LUZP2: variants seen among roughly 807,000 people sequenced by gnomAD.
LUZP2 encodes leucine zipper protein 2.
A neutral mutation model predicts 51.6 loss-of-function variants in LUZP2; 52 were observed. The observed-to-expected ratio is 1.01, with a 90% CI of 0.81 to 1.27. The LOEUF (loss-of-function observed/expected upper bound fraction) is 1.27, where lower values mean the gene tolerates loss of function less well. Among genes scored for constraint, LUZP2 ranks in the 50% most tolerant of loss-of-function variants. The pLI is 0.00. For synonymous variants in LUZP2, 154 were observed against 137.3 expected, an observed-to-expected ratio of 1.12 and a Z score of -0.85; for missense variants, 436 against 395.4, an observed-to-expected ratio of 1.10 and a Z score of -0.87.
At chr11:24,610,494 C>A (rs1323682967) in intron 1 of LUZP2, among the ~76,000 whole-genome samples, 3 of 152,108 alleles carry the variant, frequency 2.0e-5, no homozygotes, top group Admixed American at 1.3e-4. Flanking sequence ...ATTGAATGAA[C>A]AAGTGAGTGA....
intron 1 of LUZP2, among the ~76,000 whole-genome samples, chr11:24,682,111 C>A (rs1015015528): frequency 6.6e-6 from 1 of 152,120 alleles, no homozygotes; most frequent in Admixed American, 6.6e-5. Context: ...GAGTTAATGA[C>A]GATTGAAAAT....
intron 7 of LUZP2, among the ~76,000 whole-genome samples, chr11:24,949,698 A>C (rs1855019947): frequency 6.6e-6 from 1 of 151,762 alleles, no homozygotes; most frequent in South Asian, 2.1e-4. Flanking sequence ...CGAAACACTG[A>C]AGCCAGGCTA....
At chr11:25,062,587 C>CAAAAAAAAA (rs1163708322) in intron 10 of LUZP2, among the ~76,000 whole-genome samples, 1 of 43,108 alleles carries the variant, frequency 2.3e-5, no homozygotes, top group African/African-American at 5.8e-5. Context: ...AAGACCCTGT[C>CAAAAAAAAA]AAAAAAAAAA....
Position 24,713,683 on chromosome 11 carries a change from G to GTTTTTTTTTTT in LUZP2, c.63-15475_63-15465dup, listed in dbSNP as rs374748977. Among the ~76,000 whole-genome samples the GTTTTTTTTTTT allele has an allele frequency of 7.8e-5, 7 of 89,688 alleles. 1 individual carries two copies. Among genetic ancestry groups the GTTTTTTTTTTT allele is most frequent in the African/African-American group, 3.2e-4 (7 of 21,860 alleles). The allele number at this position is 89,688 out of a possible 152,430, so 58.8% of individuals were successfully genotyped here. ...ATCCTGGATAACAGAGTGAGAATCT[G>GTTTTTTTTTTT]TTTTTTTTTTTTTTTTTTTTTCTGA... On this transcript the variant is annotated intron_variant, in intron 1 of 11. Coordinates refer to ENST00000336930, the MANE Select transcript of LUZP2 (RefSeq NM_001009909.4).
At chr11:24,926,481 G>A (rs1471472545) in intron 7 of LUZP2, among the ~76,000 whole-genome samples, 1 of 107,812 alleles carries the variant, frequency 9.3e-6, no homozygotes, top group Admixed American at 9.7e-5. Context: ...ATATATGTGT[G>A]TGTATATATA....
intron 5 of LUZP2, among the ~76,000 whole-genome samples, chr11:24,840,223 TTATGTC>T (rs1342110779): frequency 6.6e-6 from 1 of 151,808 alleles, no homozygotes; most frequent in Admixed American, 6.6e-5. Flanking sequence ...CCCTTTCTTC[TTATGTC>T]TATACCTTCC....
At chr11:24,613,506 G>C (rs1854188712) in intron 1 of LUZP2, among the ~76,000 whole-genome samples, 1 of 151,714 alleles carries the variant, frequency 6.6e-6, no homozygotes, top group Non-Finnish European at 1.5e-5. Context: ...TTTAATTTCA[G>C]CTTGGAATGT....
chr11:24,512,902 G>C (rs890794703), intron 1 of LUZP2, among the ~76,000 whole-genome samples: 6 of 151,874 alleles, frequency 4.0e-5, no homozygotes, highest in African/African-American at 1.5e-4. Context: ...GGCACATGCT[G>C]CCACGCCCAG....
chr11:24,768,555 T>G (rs1860281145), intron 5 of LUZP2, among the ~76,000 whole-genome samples: 1 of 152,142 alleles, frequency 6.6e-6, no homozygotes, highest in Non-Finnish European at 1.5e-5. Context: ...CTCAAGCAAT[T>G]AAGTAGCAAA....
chr11:24,735,488 T>C (rs1265521526), intron 3 of LUZP2, among the ~76,000 whole-genome samples: 1 of 151,888 alleles, frequency 6.6e-6, no homozygotes, highest in East Asian at 1.9e-4. Flanking sequence ...CAGAAGGCAG[T>C]TTTGGACTCG....
At chr11:24,695,859 G>A (rs1014653959) in intron 1 of LUZP2, among the ~76,000 whole-genome samples, 2 of 151,444 alleles carry the variant, frequency 1.3e-5, no homozygotes, top group Non-Finnish European at 2.9e-5. Context: ...GCATTCGAGT[G>A]AAAATTTAAA....
chr11:24,655,852 C>A (rs1189209413), intron 1 of LUZP2, among the ~76,000 whole-genome samples: 1 of 152,116 alleles, frequency 6.6e-6, no homozygotes, highest in Admixed American at 6.5e-5. Context: ...TCTGTGAGTG[C>A]CTCTTAGATG....
intron 5 of LUZP2, among the ~76,000 whole-genome samples, chr11:24,792,057 C>A (rs1849423786): frequency 6.6e-6 from 1 of 150,542 alleles, no homozygotes; most frequent in Non-Finnish European, 1.5e-5. Context: ...TTAAAATTAT[C>A]CGATCATTTC....
Position 24,558,959 on chromosome 11 carries a change from G to A in LUZP2, c.62+61654G>A, listed in dbSNP as rs771552693. ...ATTACCCAGGCTCTGATATTTTTTAGCAGCAGAAATGGACTGAGACGGTTT... is the reference window on the plus strand; with the variant it reads ...ATTACCCAGGCTCTGATATTTTTTAACAGCAGAAATGGACTGAGACGGTTT... On this transcript the variant is annotated intron_variant, in intron 1 of 11. Transcript: ENST00000336930. 4.6e-5 allele frequency among the ~76,000 whole-genome samples: 7 copies of A among 152,214 alleles called. No individual in the cohort carries two copies. In the East Asian group the frequency reaches 1.4e-3, roughly 29 times the overall value.
chr11:24,518,433 C>T (rs934398845), intron 1 of LUZP2, among the ~76,000 whole-genome samples: 2 of 151,978 alleles, frequency 1.3e-5, no homozygotes, highest in African/African-American at 4.8e-5. Context: ...AACAAGATAA[C>T]AAGCTATTTG....
intron 5 of LUZP2, among the ~76,000 whole-genome samples, chr11:24,792,610 T>C (rs1301209639): frequency 6.6e-6 from 1 of 152,174 alleles, no homozygotes; most frequent in African/African-American, 2.4e-5. Context: ...TGAAGTTCAT[T>C]GAAGTTCGTA....
At chr11:24,600,149 C>T (rs999115464) in intron 1 of LUZP2, among the ~76,000 whole-genome samples, 3 of 148,546 alleles carry the variant, frequency 2.0e-5, no homozygotes, top group African/African-American at 5.0e-5. Context: ...CTTTATTAAA[C>T]AAGAGGATAT....
chr11:24,541,316 C>A (rs575927845), intron 1 of LUZP2, among the ~76,000 whole-genome samples: 172 of 151,228 alleles, frequency 1.1e-3, no homozygotes, highest in African/African-American at 4.0e-3. Flanking sequence ...CTTCTTCAGC[C>A]CAAAGGATTA....
intron 5 of LUZP2, among the ~76,000 whole-genome samples, chr11:24,821,157 GC>G (rs1212468774): frequency 6.6e-6 from 1 of 152,054 alleles, no homozygotes; most frequent in Non-Finnish European, 1.5e-5. Flanking sequence ...CATATAGTTT[GC>G]TTTATGTAGC....
Sources: gnomAD v4.1 joint callset for allele counts (sites outside exome capture counted in the v4.1 genomes callset) on GRCh38, gnomAD v4.1.1 for gene constraint, MANE v1.5 for transcripts, NCBI Gene and HGNC (gene_info 2026-07-23, HGNC 2026-07-21) for gene names.